Variants in GLI2 observed in about 807,000 individuals in gnomAD.
GLI2 encodes the protein transcription activator GLI2.
In GLI2, 22 loss-of-function variants were observed where a neutral mutation model predicts 78.9. The ratio of observed to expected loss-of-function variants is 0.28; its 90% CI spans 0.20 to 0.40. The LOEUF is 0.40. Among genes scored for constraint, GLI2 ranks in the 10% least tolerant of loss-of-function variants. The pLI, the probability that GLI2 is intolerant of heterozygous loss-of-function variation, is 1.00. For synonymous variants in GLI2, 974 were observed against 963.7 expected (o/e 1.01, Z -0.20); for missense variants, 2,097 against 2,213.2 (o/e 0.95, Z 1.05).
chr2:120,739,199 A>G (rs936810735), intron 1 of GLI2, among the ~76,000 whole-genome samples: 1 of 152,166 alleles, frequency 6.6e-6, no homozygotes, highest in African/African-American at 2.4e-5. Flanking sequence ...GGGCTGGATT[A>G]GCAAACCAGG....
At chr2:120,860,283 T>G (rs1687845701) in intron 2 of GLI2, among the ~76,000 whole-genome samples, 1 of 152,148 alleles carries the variant, frequency 6.6e-6, no homozygotes, top group Non-Finnish European at 1.5e-5. Context: ...GAGGATGGCT[T>G]CGGTCAGTTC....
At chr2:120,873,695 A>T (rs919261028) in intron 2 of GLI2, among the ~76,000 whole-genome samples, 6 of 152,100 alleles carry the variant, frequency 3.9e-5, no homozygotes, top group Non-Finnish European at 5.9e-5. Context: ...AATGTTTTTG[A>T]CCTTCCCACC....
At chr2:120,946,259 C>T (rs536814572) in intron 3 of GLI2, among the ~76,000 whole-genome samples, 67 of 152,184 alleles carry the variant, frequency 4.4e-4, no homozygotes, top group Admixed American at 3.6e-3. Context: ...CTGTTGGGAG[C>T]GTGAAGAAAT....
rs1682980792 is a variant in GLI2, at chr2:120,986,447, T to TGGC, written c.2076_2078dup (p.Ala694dup). The TGGC allele has an allele frequency of 6.2e-7, 1 of 1,613,956 alleles. No homozygotes were observed. Among genetic ancestry groups the TGGC allele is most frequent in the Non-Finnish European group, 8.5e-7 (1 of 1,180,008 alleles). On this transcript the variant is annotated inframe_insertion, in exon 13 of 14. Transcript: ENST00000361492. Reference sequence around the variant, plus strand: ...CCCCCAGGGGCCGACACCTCAGCCCTGGCTGCCCCCTCCGCTGGTGGCCTC... The same window carrying TGGC: ...CCCCCAGGGGCCGACACCTCAGCCCTGGCGGCTGCCCCCTCCGCTGGTGGCCTC...
rs1682567886 is a variant in GLI2 at position 120,978,509 on chromosome 2, A to G, written c.1393A>G (p.Lys465Glu). 1 of 1,614,056 alleles carries G rather than the reference A, an allele frequency of 6.2e-7. No homozygotes were observed. Among genetic ancestry groups the G allele is most frequent in the Admixed American group, 1.7e-5 (1 of 60,012 alleles). ...CRWQACTREQ[K>E]PFKAQYMLVV... is the part of the protein sequence containing the mutation. ...CTGGCAGGCCTGCACGCGGGAGCAG[A>G]AGCCCTTCAAGGCGCAGTACATGCT... Residue 465 changes from lysine to glutamate, a missense_variant, in exon 10 of 14, where the codon AAG becomes GAG. Transcript: ENST00000361492.
intron 2 of GLI2, among the ~76,000 whole-genome samples, chr2:120,920,680 T>C (rs1679327643): frequency 6.6e-6 from 1 of 150,700 alleles, no homozygotes; most frequent in African/African-American, 2.4e-5. Context: ...TCTCAGGCTG[T>C]TGGGCTTTCT....
intron 1 of GLI2, among the ~76,000 whole-genome samples, chr2:120,762,080 T>G (rs1683231690): frequency 1.3e-5 from 2 of 152,132 alleles, no homozygotes; most frequent in Non-Finnish European, 1.5e-5. Context: ...CACACTCTGC[T>G]GGGGGCACAG....
chr2:120,893,604 G>T (rs1677786393), intron 2 of GLI2, among the ~76,000 whole-genome samples: 1 of 151,614 alleles, frequency 6.6e-6, no homozygotes, highest in Non-Finnish European at 1.5e-5. Context: ...AGGGTTGGTG[G>T]CAGTGTCTCG....
At chr2:120,975,806 C>T (rs1682429583) in intron 9 of GLI2, among the ~76,000 whole-genome samples, 1 of 152,188 alleles carries the variant, frequency 6.6e-6, no homozygotes, top group Non-Finnish European at 1.5e-5. Context: ...AGAGGCTTGG[C>T]ACGGGAGACA....
chr2:120,816,668 A>T (rs1339086752), intron 2 of GLI2, among the ~76,000 whole-genome samples: 1 of 151,914 alleles, frequency 6.6e-6, no homozygotes, highest in Non-Finnish European at 1.5e-5. Flanking sequence ...AAGTAAGAAG[A>T]GTAGGATTAC....
chr2:120,770,795 A>G (rs1278909781), intron 1 of GLI2, among the ~76,000 whole-genome samples: 3 of 152,110 alleles, frequency 2.0e-5, no homozygotes, highest in Admixed American at 6.6e-5. Context: ...GGTGTTCTCA[A>G]ACTATAATGA....
intron 2 of GLI2, among the ~76,000 whole-genome samples, chr2:120,802,184 T>C (rs12616149): frequency 0.52 from 79,064 of 152,012 alleles, 22,414 homozygotes; most frequent in South Asian, 0.7. Context: ...GTCCATGAGG[T>C]CGGACCTGTT....
intron 2 of GLI2, among the ~76,000 whole-genome samples, chr2:120,906,175 C>T (rs1678522579): frequency 6.6e-6 from 1 of 152,186 alleles, no homozygotes; most frequent in Admixed American, 6.5e-5. Flanking sequence ...AAGTCAGGGC[C>T]CCTGGGGTGA....
chr2:120,975,433 A>G (rs1037353570), intron 9 of GLI2, among the ~76,000 whole-genome samples: 1 of 137,052 alleles, frequency 7.3e-6, no homozygotes, highest in Non-Finnish European at 1.6e-5. Flanking sequence ...TATTCTATAT[A>G]CACATTTTTT....
chr2:120,800,059 T>C lies in GLI2; in HGVS notation c.148+2591T>C, dbSNP rs1684621429. 1.3e-5 allele frequency among the ~76,000 whole-genome samples: 2 copies of C among 152,248 alleles called. No homozygotes were observed. The highest frequency in any genetic ancestry group is 2.1e-4 in the South Asian group (1 of 4,808). On this transcript the variant is annotated intron_variant, in intron 2 of 13. Coordinates refer to ENST00000361492, the MANE Select transcript of GLI2 (RefSeq NM_001374353.1). This position sits in a 1 kb window ranked among gnomAD's most constrained non-coding sequence, Gnocchi z 4.1. The stretch of plus-strand genomic sequence containing the variant: ...GCATTGGTGAAGGAGGAAGTCTTCA[T>C]GGGCCAGAAGCGTTTGCTGCAGCCA...
At position 120,944,094 on chromosome 2, in the gene GLI2, G is replaced by T. The variant is rs145668533; in HGVS notation, c.255-7149G>T. ...CTCCCAGGGACAGCACCCACTCCGA[G>T]GGTCTGGCATGCTCGCTTAGGCCCA... On this transcript the variant is annotated intron_variant, in intron 3 of 13. Transcript: ENST00000361492. Among the ~76,000 whole-genome samples the T allele has an allele frequency of 4.9e-3, 743 of 152,294 alleles. 4 individuals are homozygous for T. Among genetic ancestry groups the T allele is most frequent in the African/African-American group, 0.017 (699 of 41,546 alleles).
rs1683312400 is a variant in GLI2 at position 120,992,043 on chromosome 2, CACACACA to C, written c.*1369_*1375del. 4 of 153,576 alleles carry C rather than the reference CACACACA, an allele frequency of 2.6e-5. No homozygotes were observed. The highest frequency in any genetic ancestry group is 2.1e-4 in the South Asian group (1 of 4,796). 9.5% of individuals were successfully genotyped at this position (153,576 alleles called of 1,614,324 possible). On this transcript the variant is annotated 3_prime_UTR_variant, in exon 14 of 14. Coordinates refer to ENST00000361492, the MANE Select transcript of GLI2 (RefSeq NM_001374353.1). Reference sequence around the variant, plus strand: ...ACACACACACACACACACACACACACACACACACCCCAAACCTTTTCATGGGGAATGT... The same window carrying C: ...ACACACACACACACACACACACACACCCCCAAACCTTTTCATGGGGAATGT...
intron 2 of GLI2, among the ~76,000 whole-genome samples, chr2:120,828,735 TCTC>T (rs1686205115): frequency 6.6e-6 from 1 of 151,872 alleles, no homozygotes; most frequent in Admixed American, 6.6e-5. Context: ...GGTTTAAAGC[TCTC>T]CTCCAAACAA....
intron 2 of GLI2, among the ~76,000 whole-genome samples, chr2:120,865,286 G>A (rs1357297188): frequency 6.6e-6 from 1 of 152,244 alleles, no homozygotes; most frequent in African/African-American, 2.4e-5. Flanking sequence ...AGGTCCTGCT[G>A]TCTGCATAGA....
Sources: allele counts gnomAD v4.1 joint callset (sites outside exome capture counted in the v4.1 genomes callset), GRCh38; gene constraint gnomAD v4.1.1; non-coding constraint Gnocchi (gnomAD v3.1); transcripts MANE v1.5; gene names NCBI Gene and HGNC (gene_info 2026-07-23, HGNC 2026-07-21).